Variants in PCCA observed in about 807,000 individuals in gnomAD.
PCCA encodes propionyl-CoA carboxylase subunit alpha.
A neutral mutation model predicts 101.3 loss-of-function variants in PCCA; 74 were observed. The observed-to-expected ratio is 0.73, with a 90% CI of 0.61 to 0.89. The LOEUF is 0.89. Ranked by LOEUF, PCCA falls within the 40% of genes least tolerant of loss-of-function variation. PCCA has a pLI of 0.00. For missense variants in PCCA, 891 were observed against 907.0 expected, an observed-to-expected ratio of 0.98 and a Z score of 0.23; for synonymous variants, 294 against 313.6, an observed-to-expected ratio of 0.94 and a Z score of 0.66.
chr13:100,247,171 G>A (rs1302849092), intron 8 of PCCA, among the ~76,000 whole-genome samples: 1 of 150,190 alleles, frequency 6.7e-6, no homozygotes, highest in Non-Finnish European at 1.5e-5. Context: ...GCCTCCCAAA[G>A]TGCTGAGATT....
At chr13:100,362,533 T>G (rs1230534926) in intron 18 of PCCA, among the ~76,000 whole-genome samples, 1 of 152,020 alleles carries the variant, frequency 6.6e-6, no homozygotes, top group Non-Finnish European at 1.5e-5. Flanking sequence ...TCACACAGCT[T>G]TTGTAGGTCT....
At chr13:100,410,334 C>T (rs1001705312) in intron 19 of PCCA, among the ~76,000 whole-genome samples, 3 of 152,304 alleles carry the variant, frequency 2.0e-5, no homozygotes, top group African/African-American at 7.2e-5. Flanking sequence ...CCTCCACCTC[C>T]TGGGTTCAAG....
At chr13:100,105,844 C>CAAAAAAAAAAAAAAAA (rs71114671) in intron 2 of PCCA, among the ~76,000 whole-genome samples, 1 of 62,506 alleles carries the variant, frequency 1.6e-5, no homozygotes, top group African/African-American at 6.7e-5. Context: ...GATCCTGTCT[C>CAAAAAAAAAAAAAAAA]AAAAAAAAAA....
intron 8 of PCCA, among the ~76,000 whole-genome samples, chr13:100,239,854 G>A (rs2061014436): frequency 6.6e-6 from 1 of 151,626 alleles, no homozygotes; most frequent in African/African-American, 2.4e-5. Context: ...TTGATCCTCA[G>A]GTCTACCATA....
At chr13:100,217,659 C>A (rs1021430279) in intron 7 of PCCA, among the ~76,000 whole-genome samples, 2 of 151,450 alleles carry the variant, frequency 1.3e-5, no homozygotes, top group South Asian at 2.1e-4. Context: ...TCAAGACCAG[C>A]CTGGCCAACA....
intron 18 of PCCA, among the ~76,000 whole-genome samples, chr13:100,352,679 T>G (rs1326751633): frequency 1.3e-5 from 2 of 151,530 alleles, no homozygotes; most frequent in African/African-American, 2.4e-5. Context: ...TAGGCATGAG[T>G]CAACACACCC....
At chr13:100,425,054 C>CT (rs1595858604) in intron 19 of PCCA, among the ~76,000 whole-genome samples, 1 of 151,578 alleles carries the variant, frequency 6.6e-6, no homozygotes, top group Non-Finnish European at 1.5e-5. Flanking sequence ...GATTATGGGT[C>CT]TTTTTTTGCA....
intron 20 of PCCA, among the ~76,000 whole-genome samples, chr13:100,435,754 G>A (rs552644232): frequency 1.3e-5 from 2 of 152,236 alleles, no homozygotes; most frequent in South Asian, 4.1e-4. Context: ...GAAAACAAAA[G>A]TATAGGCGGC....
At chr13:100,348,777 TTTC>T (rs2072751933) in intron 18 of PCCA, among the ~76,000 whole-genome samples, 1 of 85,770 alleles carries the variant, frequency 1.2e-5, no homozygotes, top group Non-Finnish European at 2.5e-5. Flanking sequence ...TCTTTCTTTC[TTTC>T]TTTCTTTCTT....
chr13:100,150,934 C>G, intron 4 of PCCA: 1 of 1,536,264 alleles, frequency 6.5e-7, no homozygotes, highest in African/African-American at 1.4e-5. Context: ...CTTGCTTGGC[C>G]TCGCAGCCCA....
intron 18 of PCCA, among the ~76,000 whole-genome samples, chr13:100,350,938 C>G (rs1306590212): frequency 1.3e-5 from 2 of 152,212 alleles, no homozygotes; most frequent in Non-Finnish European, 2.9e-5. Flanking sequence ...AATTTCATAT[C>G]ATACAGCTAT....
intron 19 of PCCA, among the ~76,000 whole-genome samples, chr13:100,389,449 A>T (rs1050135576): frequency 1.3e-5 from 2 of 152,188 alleles, no homozygotes; most frequent in Non-Finnish European, 2.9e-5. Flanking sequence ...ACAAGAACAC[A>T]TGGACACAAG....
chr13:100,090,360 A>G (rs1594008185), intron 1 of PCCA, among the ~76,000 whole-genome samples: 1 of 152,220 alleles, frequency 6.6e-6, no homozygotes. Flanking sequence ...TTTAATCTTT[A>G]TCATTCTGTT....
intron 6 of PCCA, among the ~76,000 whole-genome samples, chr13:100,193,650 G>C (rs1423168490): frequency 6.6e-6 from 1 of 151,948 alleles, no homozygotes; most frequent in Non-Finnish European, 1.5e-5. Context: ...TGTCAGCTTG[G>C]GTCCATCTAC....
chr13:100,301,764 T>C (rs2066080177), intron 13 of PCCA, among the ~76,000 whole-genome samples, 161 bp downstream of exon 13: 2 of 152,236 alleles, frequency 1.3e-5, no homozygotes, highest in African/African-American at 4.8e-5. Context: ...AATTTTGACC[T>C]AATTCCAGAT....
At chr13:100,231,469 G>C (rs541442100) in intron 7 of PCCA, among the ~76,000 whole-genome samples, 9 of 152,228 alleles carry the variant, frequency 5.9e-5, no homozygotes, top group Admixed American at 1.3e-4. Flanking sequence ...CCAGCCTAGG[G>C]AGTTCAAACT....
intron 6 of PCCA, among the ~76,000 whole-genome samples, chr13:100,190,879 T>C (rs917003244): frequency 2.6e-5 from 4 of 152,030 alleles, no homozygotes; most frequent in Non-Finnish European, 5.9e-5. Flanking sequence ...AGGTGGATCA[T>C]GAGGTCAGGA....
intron 12 of PCCA, among the ~76,000 whole-genome samples, chr13:100,286,966 C>G (rs1157095609): frequency 6.6e-6 from 1 of 152,114 alleles, no homozygotes; most frequent in Admixed American, 6.5e-5. Context: ...GCTCTATGAG[C>G]AATCAAACTG....
At chr13:100,235,584 A>G (rs1225375934) in intron 7 of PCCA, among the ~76,000 whole-genome samples, 1 of 152,182 alleles carries the variant, frequency 6.6e-6, no homozygotes, top group African/African-American at 2.4e-5. Flanking sequence ...ACTGCACCAA[A>G]TCATTGGCAA....
Sources: allele counts gnomAD v4.1 joint callset (sites outside exome capture counted in the v4.1 genomes callset), GRCh38; gene constraint gnomAD v4.1.1; transcripts MANE v1.5; gene names NCBI Gene and HGNC (gene_info 2026-07-23, HGNC 2026-07-21).